Variants in DOC2A observed in about 807,000 individuals in gnomAD.
The protein encoded by DOC2A is double C2 domain alpha.
A neutral mutation model predicts 40.6 loss-of-function variants in DOC2A; 28 were observed. That is an observed-to-expected ratio of 0.69 (90% confidence interval 0.51 to 0.95). The LOEUF (loss-of-function observed/expected upper bound fraction) is 0.95, where lower values mean the gene tolerates loss of function less well. Among genes scored for constraint, DOC2A ranks in the 40% least tolerant of loss-of-function variants. DOC2A has a pLI of 0.00. For synonymous variants in DOC2A, 241 were observed against 236.9 expected (o/e 1.02, Z -0.16); for missense variants, 474 against 552.5 (o/e 0.86, Z 1.42).
chr16:30,019,269 G>A (rs1423326056), intron 1 of DOC2A, among the ~76,000 whole-genome samples: 1 of 152,190 alleles, frequency 6.6e-6, no homozygotes, highest in Non-Finnish European at 1.5e-5. Flanking sequence ...GGTGAGCCGA[G>A]ATCGCGCCAC....
chr16:30,007,485 G>C, intron 5 of DOC2A, 186 bp from the exon 6 acceptor site: 1 of 744,672 alleles, frequency 1.3e-6, no homozygotes, highest in Non-Finnish European at 2.2e-6. Context: ...CCACCCGGCT[G>C]TCCCTGGTCC....
At chr16:30,020,199 G>A (rs762515041) in intron 1 of DOC2A, among the ~76,000 whole-genome samples, 15 of 151,474 alleles carry the variant, frequency 9.9e-5, no homozygotes, top group South Asian at 2.1e-4. Context: ...GTGAGCCACC[G>A]CGCCCAGCCT....
intron 5 of DOC2A, 134 bp from the exon 6 acceptor site, chr16:30,007,433 G>A (rs1484100248): frequency 1.5e-6 from 2 of 1,301,474 alleles, no homozygotes; most frequent in Non-Finnish European, 2.2e-6. Context: ...CACTTGAGAA[G>A]GACAAGCAGA....
chr16:30,013,251 CTTCT>C (rs1567286519), upstream of DOC2A, among the ~76,000 whole-genome samples: 1 of 143,316 alleles, frequency 7.0e-6, no homozygotes, highest in African/African-American at 2.6e-5. Context: ...GAGGATCTCT[CTTCT>C]TTTTTTTTCT....
intron 1 of DOC2A, among the ~76,000 whole-genome samples, chr16:30,017,955 G>C (rs1407859925): frequency 7.7e-6 from 1 of 130,524 alleles, no homozygotes; most frequent in Non-Finnish European, 1.6e-5. Context: ...GTGGGACTCT[G>C]TCTCCGGAAA....
In DOC2A at chr16:30,010,616, GTCC is replaced by G. The variant is rs1379726061; in HGVS notation, c.-14+284_-14+286del. The G allele has an allele frequency of 2.4e-5, 8 of 327,452 alleles. No individual in the cohort carries two copies. The highest frequency in any genetic ancestry group is 3.5e-5 in the Non-Finnish European group (6 of 169,588). The allele number at this position is 327,452 out of a possible 1,614,324, so 20.3% of individuals were successfully genotyped here. A position where few individuals can be genotyped will look rare whatever the true frequency, so the allele number is the denominator to read the frequency against. On this transcript the variant is annotated intron_variant, in intron 1 of 10. Coordinates refer to ENST00000350119, the MANE Select transcript of DOC2A (RefSeq NM_003586.3). The surrounding 1 kb of genome is among the most constrained non-coding windows in gnomAD (Gnocchi z 4.2). Reference sequence around the variant, plus strand: ...CCCGCCTCTGTTTCTCGGAGGCTCTGTCCTCCTCTGCACCAGGCGCTGGTCTAG... The same window carrying G: ...CCCGCCTCTGTTTCTCGGAGGCTCTGTCCTCTGCACCAGGCGCTGGTCTAG...
chr16:30,005,963 T>G lies in DOC2A; in HGVS notation c.*223A>C. 3.3e-6 allele frequency: 2 copies of G among 599,382 alleles called. No homozygotes were observed. The highest frequency in any genetic ancestry group is 5.8e-6 in the Non-Finnish European group (2 of 344,146). The allele number at this position is 599,382 out of a possible 1,614,324, so 37.1% of individuals were successfully genotyped here. A position where few individuals can be genotyped will look rare whatever the true frequency, so the allele number is the denominator to read the frequency against. ...GCCCGGGTGTGCAGATGATGGGGGG[T>G]TTGCATATTTGCAGGGACTAGCGAG... On this transcript the variant is annotated 3_prime_UTR_variant, in exon 11 of 11. Coordinates refer to ENST00000350119, the MANE Select transcript of DOC2A (RefSeq NM_003586.3).
upstream of DOC2A, among the ~76,000 whole-genome samples, chr16:30,021,888 G>A (rs1453581658): frequency 6.6e-6 from 1 of 151,766 alleles, no homozygotes; most frequent in Non-Finnish European, 1.5e-5. Context: ...CCCAGGAAGT[G>A]TGCATTGCCC....
rs1164353324 is a variant in DOC2A, at chr16:30,006,197, A to G, written c.1192T>C (p.Ser398Pro). 14 of 1,584,196 alleles carry G rather than the reference A, an allele frequency of 8.8e-6. No individual in the cohort carries two copies. The highest frequency in any genetic ancestry group is 1.8e-5 in the Admixed American group (1 of 54,880). ...SELPPAAGAL[S>P]SA ...ACACTGCTGTCCACTCAGGCTGAGG[A>G]CAGAGCCCCGGCCGCAGGGGGCAGC... Residue 398 changes from serine (S) to proline (P), a missense_variant, in exon 11 of 11, where the codon TCC becomes CCC. Ser to Pro is a moderately conservative substitution (Grantham distance 74). Transcript: ENST00000350119. This position sits in a 1 kb window ranked among gnomAD's most constrained non-coding sequence, Gnocchi z 6.2.
intron 1 of DOC2A, chr16:30,019,012 C>A (rs78363733): frequency 0.086 from 13,167 of 152,296 alleles, 753 homozygotes; most frequent in African/African-American, 0.15. Context: ...GGGACTAAGC[C>A]AGATTAGAAG....
At chr16:30,011,667 G>C (rs1482067584), upstream of DOC2A, 1 of 152,146 alleles carries the variant, frequency 6.6e-6, no homozygotes, top group African/African-American at 2.4e-5. Context: ...GTCACCGGCC[G>C]GGGATCTCGG....
At chr16:30,007,452 T>G in intron 5 of DOC2A, 153 bp from the exon 6 acceptor site, 2 of 1,040,714 alleles carry the variant, frequency 1.9e-6, no homozygotes, top group Non-Finnish European at 2.9e-6. Context: ...GATTTGCCCA[T>G]TCCTCTGTCC....
chr16:30,014,694 A>G (rs970176027), upstream of DOC2A, among the ~76,000 whole-genome samples: 8 of 143,508 alleles, frequency 5.6e-5, no homozygotes, highest in African/African-American at 1.8e-4. Flanking sequence ...AATCCCCGCA[A>G]TTTGGGAGGC....
chr16:30,010,544 C>G lies in DOC2A; in HGVS notation c.-13-309G>C. ...CAGCTCCTTCCTCTCCTCCGGGGCT[C>G]CCCTCTGCTCCTGAGCCTGCCTGTC... On this transcript the variant is annotated intron_variant, in intron 1 of 10. Transcript: ENST00000350119. The surrounding 1 kb of genome is among the most constrained non-coding windows in gnomAD (Gnocchi z 4.2). 1 of 440,604 alleles carries G rather than the reference C, an allele frequency of 2.3e-6. No homozygotes were observed. Among genetic ancestry groups the G allele is most frequent in the South Asian group, 2.2e-5 (1 of 44,836 alleles). 27.3% of individuals were successfully genotyped at this position (440,604 alleles called of 1,614,324 possible). A position where few individuals can be genotyped will look rare whatever the true frequency, so the allele number is the denominator to read the frequency against.
upstream of DOC2A, chr16:30,023,224 A>G (rs1482341967): frequency 7.1e-6 from 6 of 840,474 alleles, no homozygotes; most frequent in East Asian, 1.7e-4. Flanking sequence ...TCTTCTGATG[A>G]GAGTGAGGGA....
Position 30,009,413 on chromosome 16 carries a change from G to T in DOC2A, c.342+65C>A. 6.6e-7 allele frequency: 1 copy of T among 1,514,074 alleles called. No individual in the cohort carries two copies. Among genetic ancestry groups the T allele is most frequent in the Non-Finnish European group, 9.0e-7 (1 of 1,114,056 alleles). The allele number at this position is 1,514,074 out of a possible 1,614,324, so 93.8% of individuals were successfully genotyped here. A position where few individuals can be genotyped will look rare whatever the true frequency, so the allele number is the denominator to read the frequency against. On this transcript the variant is annotated intron_variant, in intron 3 of 10. Coordinates refer to ENST00000350119, the MANE Select transcript of DOC2A (RefSeq NM_003586.3). The surrounding 1 kb of genome is among the most constrained non-coding windows in gnomAD (Gnocchi z 4.1). ...GGAGCAGGCCTGGGAAGGGAAGGAG[G>T]AATGGGCCCCCTCTGGGGGCTGCAC... is the stretch of plus-strand genomic sequence containing the variant.
At chr16:30,022,751 C>T (rs1183888561), upstream of DOC2A, among the ~76,000 whole-genome samples, 1 of 152,138 alleles carries the variant, frequency 6.6e-6, no homozygotes. Flanking sequence ...GCCTGACCAA[C>T]ATAGTGAAAC....
upstream of DOC2A, among the ~76,000 whole-genome samples, chr16:30,022,715 C>T (rs970709445): frequency 1.3e-5 from 2 of 152,054 alleles, no homozygotes; most frequent in Admixed American, 1.3e-4. Flanking sequence ...GCGAACAGAT[C>T]ACCTGAGGTG....
At chr16:30,007,618 G>A in intron 5 of DOC2A, 14 of 425,758 alleles carry the variant, frequency 3.3e-5, no homozygotes, top group South Asian at 2.9e-4. Flanking sequence ...ATAGACACAG[G>A]CCGTGAGAGC....
Sources: allele counts gnomAD v4.1 joint callset (sites outside exome capture counted in the v4.1 genomes callset), GRCh38; gene constraint gnomAD v4.1.1; non-coding constraint Gnocchi (gnomAD v3.1); transcripts MANE v1.5; gene names NCBI Gene and HGNC (gene_info 2026-07-23, HGNC 2026-07-21).